The following TMEM131 variants were observed in gnomAD, a reference collection of about 807,000 sequenced individuals.
TMEM131 encodes 2610524E03Rik.
In TMEM131, 66 loss-of-function variants were observed where a neutral mutation model predicts 211.6. That is an observed-to-expected ratio of 0.31 (90% CI 0.26 to 0.38). The LOEUF is 0.38. Ranked by LOEUF, TMEM131 falls within the 10% of genes least tolerant of loss-of-function variation. The pLI, the probability that TMEM131 is intolerant of heterozygous loss-of-function variation, is 1.00. For missense variants in TMEM131, 2,036 were observed against 2,299.3 expected, an observed-to-expected ratio of 0.89 and a Z score of 2.34; for synonymous variants, 844 against 841.3, an observed-to-expected ratio of 1.00 and a Z score of -0.06.
At chr2:97,915,237 A>G (rs1390791787) in intron 2 of TMEM131, among the ~76,000 whole-genome samples, 1 of 152,146 alleles carries the variant, frequency 6.6e-6, no homozygotes, top group Non-Finnish European at 1.5e-5. Flanking sequence ...AACTAGGTCC[A>G]TTGTCAGGTG....
intron 4 of TMEM131, among the ~76,000 whole-genome samples, chr2:97,881,723 A>AGGGG (rs59488414): frequency 7.6e-5 from 5 of 65,538 alleles, no homozygotes; most frequent in Admixed American, 2.0e-4. Flanking sequence ...AAAAAAAAAA[A>AGGGG]GGGGGGGGGG....
Position 97,986,306 on chromosome 2 carries a change from G to GT in TMEM131, c.187+9169dup, listed in dbSNP as rs200307615. On this transcript the variant is annotated intron_variant, in intron 1 of 40. Coordinates refer to ENST00000186436, the MANE Select transcript of TMEM131 (RefSeq NM_015348.2). ...TTGCCTTTGAAGAAAACTATTGGCA[G>GT]TATCTATTTTTTTAAATGGGGAATA... is the stretch of plus-strand genomic sequence containing the variant. Among the ~76,000 whole-genome samples, 71 of 152,248 alleles carry GT rather than the reference G, an allele frequency of 4.7e-4. 2 individuals are homozygous for GT. The East Asian group carries it at 0.011, about 23-fold the overall frequency.
At chr2:97,806,363 C>G (rs1681297415) in intron 19 of TMEM131, among the ~76,000 whole-genome samples, 1 of 152,116 alleles carries the variant, frequency 6.6e-6, no homozygotes, top group African/African-American at 2.4e-5. Context: ...ATGGTGAAAC[C>G]CTGTTCCTGC....
intron 31 of TMEM131, among the ~76,000 whole-genome samples, chr2:97,787,994 A>C (rs1165544310): frequency 6.6e-6 from 1 of 152,050 alleles, no homozygotes; most frequent in African/African-American, 2.4e-5. Context: ...CATGTTCTCT[A>C]TCTGTGAGGT....
chr2:97,948,472 C>A (rs1573601922), intron 1 of TMEM131, among the ~76,000 whole-genome samples: 1 of 152,176 alleles, frequency 6.6e-6, no homozygotes, highest in East Asian at 1.9e-4. Flanking sequence ...AATCCTTAGT[C>A]ATTAGGAAAA....
intron 1 of TMEM131, among the ~76,000 whole-genome samples, chr2:97,947,765 T>C (rs373509345): frequency 1.3e-5 from 2 of 152,104 alleles, no homozygotes; most frequent in African/African-American, 4.8e-5. Flanking sequence ...AGAACAAGAT[T>C]GGAGGACTCA....
intron 1 of TMEM131, among the ~76,000 whole-genome samples, chr2:97,983,804 C>G (rs1679908516): frequency 6.6e-6 from 1 of 152,110 alleles, no homozygotes; most frequent in African/African-American, 2.4e-5. Context: ...ATGATGGTCT[C>G]CAGTAGTAAC....
At chr2:97,889,562 C>G in intron 3 of TMEM131, among the ~76,000 whole-genome samples, 1 of 148,090 alleles carries the variant, frequency 6.8e-6, no homozygotes, top group Non-Finnish European at 1.5e-5. Flanking sequence ...ATATTATATT[C>G]CTATATATAA....
intron 3 of TMEM131, among the ~76,000 whole-genome samples, chr2:97,897,913 T>C (rs1055497805): frequency 2.6e-5 from 4 of 152,160 alleles, no homozygotes; most frequent in Admixed American, 1.3e-4. Flanking sequence ...AAACTAATTT[T>C]CTAATTCTCT....
chr2:97,977,153 G>C (rs1420957719), intron 1 of TMEM131, among the ~76,000 whole-genome samples: 1 of 152,098 alleles, frequency 6.6e-6, no homozygotes, highest in African/African-American at 2.4e-5. Context: ...ATCTATAAAA[G>C]AGCAAATTGG....
chr2:97,936,195 G>T (rs1677436907), intron 1 of TMEM131, among the ~76,000 whole-genome samples: 1 of 152,230 alleles, frequency 6.6e-6, no homozygotes, highest in African/African-American at 2.4e-5. Context: ...GCAGAACAAT[G>T]TGGTAGATGA....
At chr2:97,995,397 C>T (rs764593897) in intron 1 of TMEM131, 79 bp downstream of exon 1, 42 of 1,258,018 alleles carry the variant, frequency 3.3e-5, no homozygotes, top group Non-Finnish European at 4.0e-5. Flanking sequence ...CGCGGCCCTT[C>T]CTCCCGGCCC....
At chr2:97,867,760 G>C (rs1252681422) in intron 4 of TMEM131, among the ~76,000 whole-genome samples, 2 of 152,138 alleles carry the variant, frequency 1.3e-5, no homozygotes, top group Admixed American at 6.6e-5. Context: ...AGAAATGCTA[G>C]CAGCCCTCCC....
chr2:97,977,343 G>A (rs1573642521), intron 1 of TMEM131, among the ~76,000 whole-genome samples: 1 of 152,068 alleles, frequency 6.6e-6, no homozygotes, highest in East Asian at 1.9e-4. Flanking sequence ...TAAAACATGG[G>A]CAAAAGATGT....
intron 19 of TMEM131, among the ~76,000 whole-genome samples, chr2:97,807,375 G>C (rs547575559): frequency 1.8e-4 from 28 of 152,252 alleles, no homozygotes; most frequent in Non-Finnish European, 3.4e-4. Context: ...TTCTGACCTC[G>C]TAGTAATGAG....
intron 5 of TMEM131, among the ~76,000 whole-genome samples, chr2:97,846,435 A>G (rs1683433558): frequency 6.6e-6 from 1 of 152,228 alleles, no homozygotes; most frequent in African/African-American, 2.4e-5. Context: ...CTAAAGAAAA[A>G]GCACAAGATC....
At chr2:97,838,462 T>A (rs1281739528) in intron 7 of TMEM131, among the ~76,000 whole-genome samples, 2 of 72,332 alleles carry the variant, frequency 2.8e-5, no homozygotes, top group African/African-American at 1.1e-4. Flanking sequence ...TTTTTTTTTT[T>A]GAGACGGAGT....
At chr2:97,927,127 A>G (rs1177964463) in intron 2 of TMEM131, among the ~76,000 whole-genome samples, 1 of 152,176 alleles carries the variant, frequency 6.6e-6, no homozygotes, top group East Asian at 1.9e-4. Flanking sequence ...GGCAAATACT[A>G]TGCAACCACT....
At position 97,759,022 on chromosome 2, in the gene TMEM131, C is replaced by T. The variant is rs11674151; in HGVS notation, c.5238G>A (p.Ser1746=). 4.1e-3 allele frequency: 6,560 copies of T among 1,614,040 alleles called. 37 individuals are homozygous for T. Among genetic ancestry groups the T allele is most frequent in the South Asian group, 0.014 (1,280 of 91,090 alleles). The part of the protein sequence containing the change: ...EVFSKLGLSR[S]CNQASQRSWN... ...AGCTCCTCTGTGAGGCCTGATTGCACGATCGAGATAATCCGAGTTTGCTGA... is the reference window on the plus strand; with the variant it reads ...AGCTCCTCTGTGAGGCCTGATTGCATGATCGAGATAATCCGAGTTTGCTGA... The change falls in exon 40 of 41, where the codon TCG becomes TCA. Residue 1746 remains serine (S), a synonymous_variant. Transcript: ENST00000186436.
Sources: gnomAD v4.1 joint callset for allele counts (sites outside exome capture counted in the v4.1 genomes callset) on GRCh38, gnomAD v4.1.1 for gene constraint, MANE v1.5 for transcripts, NCBI Gene and HGNC (gene_info 2026-07-23, HGNC 2026-07-21) for gene names.